Variants in KDM2B observed in about 807,000 individuals in gnomAD.
KDM2B encodes lysine-specific demethylase 2B.
KDM2B carries 26 observed loss-of-function variants against 150.0 expected under a neutral mutation model. That is an observed-to-expected ratio of 0.17 (90% CI 0.13 to 0.24). The LOEUF (loss-of-function observed/expected upper bound fraction) is 0.24, where lower values mean the gene tolerates loss of function less well. KDM2B is among the 10% of genes least tolerant of loss of function. The pLI, the probability that KDM2B is intolerant of heterozygous loss-of-function variation, is 1.00. For synonymous variants in KDM2B, 734 were observed against 729.5 expected, an observed-to-expected ratio of 1.01 and a Z score of -0.10; for missense variants, 1,265 against 1,816.9, an observed-to-expected ratio of 0.70 and a Z score of 5.52.
At chr12:121,581,370 C>G (rs1409441284), upstream of KDM2B, 1 of 155,660 alleles carries the variant, frequency 6.4e-6, no homozygotes, top group African/African-American at 2.4e-5. Flanking sequence ...CCCTACAGGG[C>G]TTCTTAGCGG....
intron 22 of KDM2B, among the ~76,000 whole-genome samples, chr12:121,435,087 AT>A: frequency 6.6e-6 from 1 of 151,706 alleles, no homozygotes; most frequent in South Asian, 2.1e-4. Context: ...TAATTCTAAC[AT>A]TTTGGGAGGC....
intron 1 of KDM2B, among the ~76,000 whole-genome samples, chr12:121,579,329 G>A (rs1373213690): frequency 6.6e-6 from 1 of 152,242 alleles, no homozygotes; most frequent in Non-Finnish European, 1.5e-5. Context: ...GGCCCCAGGA[G>A]GAGCCGCTGC....
intron 12 of KDM2B, among the ~76,000 whole-genome samples, chr12:121,465,632 T>C (rs548090298): frequency 1.3e-5 from 2 of 152,210 alleles, no homozygotes; most frequent in South Asian, 2.1e-4. Context: ...GTGTCAAAGA[T>C]TGTATCTACA....
intron 12 of KDM2B, among the ~76,000 whole-genome samples, chr12:121,482,648 G>A (rs117958269): frequency 1.2e-4 from 19 of 152,210 alleles, no homozygotes; most frequent in Non-Finnish European, 2.4e-4. Context: ...GGCGGGGACT[G>A]GGACACAGGA....
chr12:121,483,017 C>T (rs1882324382), intron 12 of KDM2B, among the ~76,000 whole-genome samples: 1 of 151,960 alleles, frequency 6.6e-6, no homozygotes, highest in African/African-American at 2.4e-5. Context: ...ACAAAAATTA[C>T]CTGGGCGTGG....
At chr12:121,579,597 G>C in intron 1 of KDM2B, 2 of 1,305,356 alleles carry the variant, frequency 1.5e-6, no homozygotes, top group Non-Finnish European at 2.0e-6. Context: ...TCGGATCGGA[G>C]ACCCCAAAAC....
chr12:121,490,092 T>C (rs781954085), intron 12 of KDM2B, among the ~76,000 whole-genome samples: 3 of 152,140 alleles, frequency 2.0e-5, no homozygotes, highest in African/African-American at 4.8e-5. Context: ...GGAAAGGCTG[T>C]GTGTCACTCC....
the KDM2B span, chr12:121,416,056 T>A: frequency 1.1e-6 from 1 of 876,934 alleles, no homozygotes; most frequent in Non-Finnish European, 1.8e-6. Context: ...AATCTCAAAG[T>A]TATTGAGGGC....
chr12:121,526,083 A>G (rs926629022), intron 8 of KDM2B, among the ~76,000 whole-genome samples: 18 of 152,286 alleles, frequency 1.2e-4, no homozygotes, highest in African/African-American at 3.1e-4. Flanking sequence ...CGAGACTGGT[A>G]GCTCACACCT....
rs1277215469 is a variant in KDM2B at position 121,521,685 on chromosome 12, AG to A, written c.932-586del. Among the ~76,000 whole-genome samples the A allele has an allele frequency of 6.6e-6, 1 of 152,038 alleles. No individual in the cohort carries two copies. Among genetic ancestry groups the A allele is most frequent in the Non-Finnish European group, 1.5e-5 (1 of 68,002 alleles). On this transcript the variant is annotated intron_variant, in intron 8 of 22. Coordinates refer to ENST00000377071, the MANE Select transcript of KDM2B (RefSeq NM_032590.5). The surrounding 1 kb of genome is among the most constrained non-coding windows in gnomAD (Gnocchi z 4.9). ...CACACAACGCCTGCATGCCCCCCTC[AG>A]CTCTGCCCTCCACTCTGCCCCACAG...
chr12:121,577,515 G>A (rs1049548837), intron 2 of KDM2B, among the ~76,000 whole-genome samples: 2 of 152,072 alleles, frequency 1.3e-5, no homozygotes, highest in African/African-American at 2.4e-5. Context: ...CCTCACCACC[G>A]GAGCCCAGCG....
rs782341543 is a variant in KDM2B, at chr12:121,440,836, G to A, written c.3590C>T (p.Pro1197Leu). The A allele has an allele frequency of 5.6e-6, 9 of 1,612,884 alleles. No individual in the cohort carries two copies. The highest frequency in any genetic ancestry group is 4.5e-5 in the East Asian group (2 of 44,882). ...KDAQMRDLLSPPTDNRPGQMD... is the reference protein window; with the variant it reads ...KDAQMRDLLSLPTDNRPGQMD... ...CTCACCTGGCCTGTTGTCTGTGGGC[G>A]GGGACAGGAGATCCCGCATCTGGGC... The change falls in exon 21 of 23, where the codon CCG becomes CTG. Residue 1197 changes from proline to leucine, a missense_variant. By Grantham distance (98) the Pro-to-Leu change is moderately conservative. This residue lies in a region of KDM2B where 251 missense variants were observed against 397.8 expected (regional missense o/e 0.63). Transcript: ENST00000377071.
chr12:121,448,278 C>T (rs1876622664), intron 13 of KDM2B, among the ~76,000 whole-genome samples: 1 of 138,220 alleles, frequency 7.2e-6, no homozygotes, highest in Non-Finnish European at 1.5e-5. Flanking sequence ...CACGAGCACA[C>T]CACTGCACTC....
the KDM2B span, chr12:121,420,624 G>A: frequency 6.2e-7 from 1 of 1,614,186 alleles, no homozygotes; most frequent in East Asian, 2.2e-5. Context: ...TGTCTGACTT[G>A]TCAAGCCTTG....
In KDM2B at chr12:121,439,456, C is replaced by T. The variant is rs569303180; in HGVS notation, c.3829+401G>A. Among the ~76,000 whole-genome samples, 22 of 129,050 alleles carry T rather than the reference C, an allele frequency of 1.7e-4. No individual in the cohort carries two copies. In the East Asian group the frequency reaches 3.7e-3, roughly 22 times the overall value. 84.7% of individuals were successfully genotyped at this position (129,050 alleles called of 152,430 possible). A position where few individuals can be genotyped will look rare whatever the true frequency, so the allele number is the denominator to read the frequency against. On this transcript the variant is annotated intron_variant, in intron 22 of 22. Coordinates refer to ENST00000377071, the MANE Select transcript of KDM2B (RefSeq NM_032590.5). ...AGTGCAGTGGCGCCATCTTGGCTCA[C>T]GGCGACCTCCACTGCCAGTTTCAAG...
In KDM2B at chr12:121,467,227, C is replaced by A. The variant is rs1555295023; in HGVS notation, c.1735-13883G>T. 2 of 1,029,150 alleles carry A rather than the reference C, an allele frequency of 1.9e-6. No homozygotes were observed. Among genetic ancestry groups the A allele is most frequent in the South Asian group, 5.9e-5 (2 of 33,876 alleles). The allele number at this position is 1,029,150 out of a possible 1,614,324, so 63.8% of individuals were successfully genotyped here. On this transcript the variant is annotated intron_variant, in intron 12 of 22. Coordinates refer to ENST00000377071, the MANE Select transcript of KDM2B (RefSeq NM_032590.5). The surrounding 1 kb of genome is among the most constrained non-coding windows in gnomAD (Gnocchi z 5.1). Reference sequence around the variant, plus strand: ...ACATGGCCATGGCTCATGGTGGGCCCAGGCTCGCGCGCGCTGACATGGCTG... The same window carrying A: ...ACATGGCCATGGCTCATGGTGGGCCAAGGCTCGCGCGCGCTGACATGGCTG...
intron 8 of KDM2B, among the ~76,000 whole-genome samples, chr12:121,531,881 C>T (rs1555307847): frequency 6.6e-6 from 1 of 152,090 alleles, no homozygotes; most frequent in African/African-American, 2.4e-5. Context: ...TCCCTTGAGG[C>T]CAGGAGTTGG....
At chr12:121,535,700 G>C (rs1420895476) in intron 6 of KDM2B, among the ~76,000 whole-genome samples, 1 of 152,188 alleles carries the variant, frequency 6.6e-6, no homozygotes, top group African/African-American at 2.4e-5. Context: ...GAATCCAGGG[G>C]AAGCAGGAAC....
chr12:121,428,655 A>T (rs957176274), downstream of KDM2B, among the ~76,000 whole-genome samples: 10 of 152,192 alleles, frequency 6.6e-5, no homozygotes, highest in Admixed American at 1.3e-4. Flanking sequence ...TTGTTTCTGT[A>T]TGTGAATATG....
Sources: gnomAD v4.1 joint callset for allele counts (sites outside exome capture counted in the v4.1 genomes callset) on GRCh38, gnomAD v4.1.1 for gene constraint, gnomAD v4.1.1 regional missense constraint, Gnocchi (gnomAD v3.1) non-coding constraint, MANE v1.5 for transcripts, NCBI Gene and HGNC (gene_info 2026-07-23, HGNC 2026-07-21) for gene names.